Variants in FTCDNL1 observed in about 807,000 individuals in gnomAD.
FTCDNL1 encodes formiminotransferase cyclodeaminase N-terminal like, also known as formiminotransferase N-terminal subdomain-containing protein.
Under a neutral mutation model 5.9 loss-of-function variants are expected in FTCDNL1, and 11 were observed. The ratio of observed to expected loss-of-function variants is 1.87; its 90% CI spans 1.18 to 3.10. The LOEUF (loss-of-function observed/expected upper bound fraction) is 3.10. Among genes scored for constraint, FTCDNL1 ranks in the 30% most tolerant of loss-of-function variants. The pLI is 0.00. For missense variants in FTCDNL1, 115 were observed against 65.5 expected (o/e 1.76, Z -2.61); for synonymous variants, 58 against 24.8 (o/e 2.34, Z -3.99).
At chr2:199,707,717 A>G in the FTCDNL1 span, among the ~76,000 whole-genome samples, 1 of 152,140 alleles carries the variant, frequency 6.6e-6, no homozygotes. Context: ...AAAAATAAGT[A>G]TAGAATTCTA....
At chr2:199,745,777 A>G in the FTCDNL1 span, among the ~76,000 whole-genome samples, 5 of 152,340 alleles carry the variant, frequency 3.3e-5, no homozygotes, top group South Asian at 1.0e-3. Flanking sequence ...GGGTCGTGAC[A>G]GTGAAATGCA....
rs878942666 is a variant in FTCDNL1, at chr2:199,830,215, A to G, written c.212-10458T>C. Among the ~76,000 whole-genome samples, 4 of 152,176 alleles carry G rather than the reference A, an allele frequency of 2.6e-5. 1 individual carries two copies. The highest frequency in any genetic ancestry group is 2.6e-4 in the Admixed American group (4 of 15,264). Reference sequence around the variant, plus strand: ...AAGGTAAAATTCTCTACCGGAAGTAATAAAAATTTCAGATGATAAGACAGA... The same window carrying G: ...AAGGTAAAATTCTCTACCGGAAGTAGTAAAAATTTCAGATGATAAGACAGA... On this transcript the variant is annotated intron_variant, in intron 3 of 4. Coordinates refer to ENST00000420128, the MANE Select transcript of FTCDNL1 (RefSeq NM_001363886.2).
intron 2 of FTCDNL1, 48 bp downstream of exon 2, chr2:199,848,800 A>G (rs1434823464): frequency 2.9e-6 from 2 of 694,430 alleles, no homozygotes; most frequent in African/African-American, 1.8e-5. Context: ...AAATTACTAA[A>G]TTATCAAAAC....
At chr2:199,669,851 T>C in the FTCDNL1 span, among the ~76,000 whole-genome samples, 3 of 150,674 alleles carry the variant, frequency 2.0e-5, no homozygotes, top group East Asian at 5.8e-4. Context: ...ATAAAGATAA[T>C]ATTTTATACA....
chr2:199,681,749 A>G, the FTCDNL1 span, among the ~76,000 whole-genome samples: 6 of 152,236 alleles, frequency 3.9e-5, no homozygotes, highest in Non-Finnish European at 8.8e-5. Context: ...AGAATTTTAC[A>G]TCAGGTCTCT....
intron 3 of FTCDNL1, among the ~76,000 whole-genome samples, chr2:199,797,510 C>T (rs1424921142): frequency 1.3e-5 from 2 of 151,996 alleles, no homozygotes; most frequent in African/African-American, 4.8e-5. Flanking sequence ...AAAGATGTGG[C>T]CATATGGTGT....
chr2:199,691,324 C>A, the FTCDNL1 span, among the ~76,000 whole-genome samples: 1 of 152,192 alleles, frequency 6.6e-6, no homozygotes, highest in African/African-American at 2.4e-5. Flanking sequence ...AGGCATGCGC[C>A]ACCACACCCG....
chr2:199,716,606 A>G, the FTCDNL1 span, among the ~76,000 whole-genome samples: 116,084 of 151,998 alleles, frequency 0.76, 46,135 homozygotes, highest in South Asian at 0.92. Context: ...CCCACAAAAC[A>G]ATGGAGCATA....
intron 3 of FTCDNL1, among the ~76,000 whole-genome samples, chr2:199,770,116 T>C (rs1166213098): frequency 6.6e-6 from 1 of 152,206 alleles, no homozygotes; most frequent in African/African-American, 2.4e-5. Context: ...GCACCACCAG[T>C]ACAGTTGATA....
chr2:199,697,926 A>G, the FTCDNL1 span, among the ~76,000 whole-genome samples: 1 of 152,240 alleles, frequency 6.6e-6, no homozygotes, highest in Non-Finnish European at 1.5e-5. Flanking sequence ...CAGTAAAGAG[A>G]TGAAGAAAAA....
At chr2:199,666,045 C>T in the FTCDNL1 span, among the ~76,000 whole-genome samples, 1 of 152,286 alleles carries the variant, frequency 6.6e-6, no homozygotes, top group East Asian at 1.9e-4. Flanking sequence ...TCAGTCACTT[C>T]CTTGTGATTT....
At chr2:199,778,984 C>A (rs1699226223) in intron 3 of FTCDNL1, among the ~76,000 whole-genome samples, 1 of 152,172 alleles carries the variant, frequency 6.6e-6, no homozygotes. Context: ...AGGAGGAACA[C>A]TCAGTCGTAT....
chr2:199,712,296 G>T, the FTCDNL1 span, among the ~76,000 whole-genome samples: 6 of 152,090 alleles, frequency 3.9e-5, no homozygotes, highest in Non-Finnish European at 8.8e-5. Flanking sequence ...CTGCTAACTT[G>T]CTCCTGCTGT....
rs146475330 is a variant in FTCDNL1 at position 199,815,237 on chromosome 2, T to C, written c.398-2513A>G. Among the ~76,000 whole-genome samples the C allele has an allele frequency of 2.2e-3, 332 of 152,366 alleles. 5 individuals are homozygous for C. Among genetic ancestry groups the C allele is most frequent in the Admixed American group, 0.02 (303 of 15,306 alleles). The stretch of plus-strand genomic sequence containing the variant: ...TACAAACTTTTAAAAGGAATTTGGC[T>C]TAAAAGATTTTGTGTGTTTGGCACT... On this transcript the variant is annotated intron_variant, in intron 4 of 4. Transcript: ENST00000420128.
rs1270767245 is a variant in FTCDNL1 at position 199,812,715 on chromosome 2, C to T, written c.407G>A (p.Arg136Lys). 2 of 698,558 alleles carry T rather than the reference C, an allele frequency of 2.9e-6. No homozygotes were observed. The highest frequency in any genetic ancestry group is 5.2e-6 in the Non-Finnish European group (2 of 383,518). The allele number at this position is 698,558 out of a possible 1,614,324, so 43.3% of individuals were successfully genotyped here. Residue 136 changes from arginine (R) to lysine (K), a missense_variant, in exon 5 of 5, where the codon AGG becomes AAG. Coordinates refer to ENST00000420128, the MANE Select transcript of FTCDNL1 (RefSeq NM_001363886.2). ...CTTCCAACACAACTGTCACAACGCC[C>T]TGAAGCAAGCTAAAAACAAGGAAAA... is the stretch of plus-strand genomic sequence containing the variant. ...SQRCGLTACF[R>K]AL
At chr2:199,788,866 G>A (rs1039038618) in intron 3 of FTCDNL1, among the ~76,000 whole-genome samples, 1 of 151,864 alleles carries the variant, frequency 6.6e-6, no homozygotes, top group Non-Finnish European at 1.5e-5. Flanking sequence ...AGACAGAGAA[G>A]AGATTAAAAA....
chr2:199,787,173 T>C lies in FTCDNL1; in HGVS notation c.212-26338A>G, dbSNP rs1377510007. Among the ~76,000 whole-genome samples the C allele has an allele frequency of 2.0e-5, 3 of 150,668 alleles. No homozygotes were observed. In the East Asian group the frequency reaches 5.8e-4, roughly 29 times the overall value. On this transcript the variant is annotated intron_variant, in intron 3 of 3. Transcript: ENST00000416668. ...AAGGTTGGCTGATTGGCAACCTTAA[T>C]TTTCTTTTCTTTTCTTTTTTTTTTT...
downstream of FTCDNL1, among the ~76,000 whole-genome samples, chr2:199,805,567 G>A (rs957185565): frequency 5.3e-4 from 80 of 151,852 alleles, no homozygotes; most frequent in Non-Finnish European, 1.0e-3. Context: ...GGTGAAACCC[G>A]TCTCTACCAA....
intron 3 of FTCDNL1, among the ~76,000 whole-genome samples, chr2:199,820,941 G>T (rs571691475): frequency 2.6e-5 from 4 of 152,132 alleles, no homozygotes; most frequent in Non-Finnish European, 5.9e-5. Flanking sequence ...TCCGTATCAC[G>T]GATCATCAAA....
Sources: allele counts gnomAD v4.1 joint callset (sites outside exome capture counted in the v4.1 genomes callset), GRCh38; gene constraint gnomAD v4.1.1; transcripts MANE v1.5; gene names NCBI Gene and HGNC (gene_info 2026-07-23, HGNC 2026-07-21).